The following BAZ2B variants were observed in gnomAD, a reference collection of about 807,000 sequenced individuals.
The protein encoded by BAZ2B is bromodomain adjacent to zinc finger domain protein 2B.
In BAZ2B, 91 loss-of-function variants were observed where a neutral mutation model predicts 246.0. That is an observed-to-expected ratio of 0.37 (90% CI 0.31 to 0.44). The LOEUF (loss-of-function observed/expected upper bound fraction) is 0.44, where lower values mean the gene tolerates loss of function less well. BAZ2B is among the 20% of genes least tolerant of loss of function. The probability of loss-of-function intolerance (pLI) is 1.00; values close to 1 mark genes in which losing one functional copy is unlikely to be tolerated. For missense variants in BAZ2B, 2,332 were observed against 2,533.7 expected, an observed-to-expected ratio of 0.92 and a Z score of 1.71; for synonymous variants, 855 against 860.0, an observed-to-expected ratio of 0.99 and a Z score of 0.10.
chr2:159,363,206 T>G (rs2059897285), intron 27 of BAZ2B, among the ~76,000 whole-genome samples: 1 of 152,196 alleles, frequency 6.6e-6, no homozygotes, highest in Non-Finnish European at 1.5e-5. Flanking sequence ...ACCCTGCTTC[T>G]AAACTGGATG....
At chr2:159,642,238 CTTTTTT>C in the BAZ2B span, among the ~76,000 whole-genome samples, 68 of 131,726 alleles carry the variant, frequency 5.2e-4, no homozygotes, top group African/African-American at 1.8e-3. Context: ...TTCTTTCTTT[CTTTTTT>C]TTTTTTTTTT....
chr2:159,637,330 G>A, the BAZ2B span, among the ~76,000 whole-genome samples: 1 of 152,318 alleles, frequency 6.6e-6, no homozygotes, highest in South Asian at 2.1e-4. Flanking sequence ...TGTCCTGAGT[G>A]TGAGTCCCAG....
At chr2:159,529,888 C>A (rs1578127283) in intron 2 of BAZ2B, among the ~76,000 whole-genome samples, 2 of 151,982 alleles carry the variant, frequency 1.3e-5, no homozygotes, top group Non-Finnish European at 2.9e-5. Context: ...TCAACATATT[C>A]ATTGATAAAA....
the BAZ2B span, among the ~76,000 whole-genome samples, chr2:159,651,772 T>C: frequency 6.6e-6 from 1 of 152,182 alleles, no homozygotes; most frequent in Non-Finnish European, 1.5e-5. Context: ...CTATTCCACA[T>C]ATTTTATATA....
intron 13 of BAZ2B, among the ~76,000 whole-genome samples, chr2:159,417,592 G>T (rs68057871): frequency 0.18 from 26,842 of 152,148 alleles, 2,868 homozygotes; most frequent in South Asian, 0.32. Flanking sequence ...AAAGAAAAGG[G>T]TTTACGTTTT....
intron 2 of BAZ2B, among the ~76,000 whole-genome samples, chr2:159,552,120 AG>A (rs2151446987): frequency 6.6e-6 from 1 of 152,226 alleles, no homozygotes; most frequent in South Asian, 2.1e-4. Context: ...CCATTACCTA[AG>A]GGGAATGCAG....
chr2:159,500,755 A>G (rs2081614731), intron 2 of BAZ2B, among the ~76,000 whole-genome samples: 1 of 152,036 alleles, frequency 6.6e-6, no homozygotes, highest in South Asian at 2.1e-4. Context: ...GGAATTCGAG[A>G]CCAGCCTGGC....
chr2:159,348,937 T>C, intron 29 of BAZ2B, 70 bp downstream of exon 29: 1 of 1,560,422 alleles, frequency 6.4e-7, no homozygotes, highest in South Asian at 1.2e-5. Context: ...CATCAAATAT[T>C]CAGTTATAAT....
At chr2:159,544,320 G>A (rs191903128) in intron 2 of BAZ2B, among the ~76,000 whole-genome samples, 4 of 152,062 alleles carry the variant, frequency 2.6e-5, no homozygotes, top group East Asian at 1.9e-4. Context: ...AGTACCTGGC[G>A]CACAGTGAGC....
the BAZ2B span, among the ~76,000 whole-genome samples, chr2:159,705,252 G>A: frequency 5.3e-5 from 8 of 151,436 alleles, no homozygotes; most frequent in African/African-American, 1.9e-4. Flanking sequence ...AAACTCCTAG[G>A]TTCAAGTAGT....
At chr2:159,535,546 CTTTAT>C (rs748704718) in intron 2 of BAZ2B, among the ~76,000 whole-genome samples, 165 of 152,198 alleles carry the variant, frequency 1.1e-3, no homozygotes, top group Non-Finnish European at 1.9e-3. Context: ...AAAAATACAC[CTTTAT>C]TTTATTTGAA....
At position 159,385,111 on chromosome 2, in the gene BAZ2B, A is replaced by C. The variant is rs199498088; in HGVS notation, c.3686+44T>G. 32 of 1,552,976 alleles carry C rather than the reference A, an allele frequency of 2.1e-5. No individual in the cohort carries two copies. In the African/African-American group the frequency reaches 2.7e-4, roughly 13 times the overall value. On this transcript the variant is annotated intron_variant, in intron 23 of 36. Coordinates refer to ENST00000392783, the MANE Select transcript of BAZ2B (RefSeq NM_013450.4). ...TTTGTATTACTTTTTGATTAGAAAA[A>C]TTCAAAATGGAAAAATCACGGAAAA...
intron 2 of BAZ2B, among the ~76,000 whole-genome samples, chr2:159,481,567 G>A (rs910782060): frequency 6.6e-6 from 1 of 151,802 alleles, no homozygotes; most frequent in Non-Finnish European, 1.5e-5. Flanking sequence ...ATGAAAAGAT[G>A]AAAAGAATAG....
the BAZ2B span, among the ~76,000 whole-genome samples, chr2:159,703,197 C>T: frequency 3.2e-4 from 48 of 152,032 alleles, no homozygotes; most frequent in African/African-American, 1.1e-3. Context: ...AGCAATTCTC[C>T]CTGCCTCAGC....
intron 28 of BAZ2B, 40 bp downstream of exon 28, chr2:159,349,668 T>C: frequency 6.5e-7 from 1 of 1,536,648 alleles, no homozygotes; most frequent in Non-Finnish European, 8.8e-7. Context: ...AAAGATTACA[T>C]AAAGCAATAT....
At chr2:159,487,117 GTATT>G (rs2079924701) in intron 2 of BAZ2B, among the ~76,000 whole-genome samples, 1 of 152,096 alleles carries the variant, frequency 6.6e-6, no homozygotes, top group South Asian at 2.1e-4. Flanking sequence ...CCATGTGATT[GTATT>G]AATGACAGTT....
intron 2 of BAZ2B, among the ~76,000 whole-genome samples, chr2:159,508,312 G>C (rs1396992066): frequency 6.6e-6 from 1 of 152,014 alleles, no homozygotes; most frequent in African/African-American, 2.4e-5. Flanking sequence ...TTAATTTTTA[G>C]TCACAGTGAC....
intron 2 of BAZ2B, among the ~76,000 whole-genome samples, chr2:159,549,245 C>T (rs1429040916): frequency 6.6e-6 from 1 of 152,152 alleles, no homozygotes; most frequent in Non-Finnish European, 1.5e-5. Flanking sequence ...TGCACCACTG[C>T]ACTCCAGCCT....
intron 1 of BAZ2B, among the ~76,000 whole-genome samples, chr2:159,568,733 C>T (rs961275304): frequency 1.3e-5 from 2 of 152,122 alleles, no homozygotes; most frequent in Non-Finnish European, 2.9e-5. Context: ...CATGCTCAAA[C>T]TAATTAATCA....
Sources: gnomAD v4.1 joint callset for allele counts (sites outside exome capture counted in the v4.1 genomes callset) on GRCh38, gnomAD v4.1.1 for gene constraint, MANE v1.5 for transcripts, NCBI Gene and HGNC (gene_info 2026-07-23, HGNC 2026-07-21) for gene names.